The following EXTL3 variants were observed in gnomAD, a reference collection of about 807,000 sequenced individuals.
EXTL3 encodes exostosin-like 3.
A neutral mutation model predicts 69.3 loss-of-function variants in EXTL3; 27 were observed. The ratio of observed to expected loss-of-function variants is 0.39; its 90% CI spans 0.29 to 0.54. The LOEUF (loss-of-function observed/expected upper bound fraction) is 0.54. Among genes scored for constraint, EXTL3 ranks in the 20% least tolerant of loss-of-function variants. EXTL3 has a pLI of 0.69. For missense variants in EXTL3, 1,003 were observed against 1,231.8 expected (o/e 0.81, Z 2.78); for synonymous variants, 511 against 499.4 (o/e 1.02, Z -0.31).
intron 2 of EXTL3, among the ~76,000 whole-genome samples, chr8:28,616,603 G>C (rs1245830927): frequency 6.6e-6 from 1 of 151,818 alleles, no homozygotes; most frequent in African/African-American, 2.4e-5. Flanking sequence ...CTCCAGCCTG[G>C]GCGACAGAGC....
chr8:28,649,356 C>T (rs901510377), intron 1 of EXTL3, among the ~76,000 whole-genome samples: 4 of 152,192 alleles, frequency 2.6e-5, no homozygotes, highest in Non-Finnish European at 4.4e-5. Flanking sequence ...GTGTGTATGA[C>T]AGCTTTTGCT....
At chr8:28,642,088 G>C (rs1323323964) in intron 1 of EXTL3, among the ~76,000 whole-genome samples, 1 of 152,112 alleles carries the variant, frequency 6.6e-6, no homozygotes, top group Non-Finnish European at 1.5e-5. Context: ...GCCCGCCTCA[G>C]CCTCCCAAAG....
intron 2 of EXTL3, among the ~76,000 whole-genome samples, chr8:28,615,975 C>G (rs1440694117): frequency 6.6e-6 from 1 of 151,924 alleles, no homozygotes; most frequent in Admixed American, 6.6e-5. Flanking sequence ...TGGCTCACAC[C>G]TGTAATCTCG....
rs528519652 is a variant in EXTL3 at position 28,753,864 on chromosome 8, T to C, written c.*2998T>C. Reference sequence around the variant, plus strand: ...CCTGGTGTGGGCTGTGGACCAGAGATGGGTGAACAGACTCACACTCACATG... The same window carrying C: ...CCTGGTGTGGGCTGTGGACCAGAGACGGGTGAACAGACTCACACTCACATG... On this transcript the variant is annotated 3_prime_UTR_variant, in exon 7 of 7. Transcript: ENST00000220562. The C allele has an allele frequency of 2.0e-4, 30 of 152,114 alleles. No homozygotes were observed. Among genetic ancestry groups the C allele is most frequent in the African/African-American group, 6.5e-4 (27 of 41,458 alleles). The allele number at this position is 152,114 out of a possible 1,614,324, so 9.4% of individuals were successfully genotyped here.
intron 1 of EXTL3, among the ~76,000 whole-genome samples, chr8:28,709,503 G>T (rs1286156011): frequency 6.8e-6 from 1 of 147,358 alleles, no homozygotes; most frequent in African/African-American, 2.7e-5. Context: ...CGCGCCTCCT[G>T]TCTCTCCTGT....
upstream of EXTL3, among the ~76,000 whole-genome samples, chr8:28,622,269 T>G (rs779708414): frequency 1.1e-4 from 17 of 152,258 alleles, no homozygotes; most frequent in Non-Finnish European, 1.9e-4. Flanking sequence ...ACTCTAAGCA[T>G]CCGGCTCATT....
chr8:28,625,581 A>T lies in EXTL3; in HGVS notation c.-53+2771A>T, dbSNP rs143817843. On this transcript the variant is annotated intron_variant, in intron 1 of 6. Coordinates refer to the EXTL3 transcript ENST00000523149. Reference sequence around the variant, plus strand: ...TGTCCAGGTTTCCAATAATAAAAACATCACTCTATTCCTATTCATGTATTT... The same window carrying T: ...TGTCCAGGTTTCCAATAATAAAAACTTCACTCTATTCCTATTCATGTATTT... Among the ~76,000 whole-genome samples the T allele has an allele frequency of 5.9e-5, 9 of 152,364 alleles. No individual in the cohort carries two copies. In the East Asian group the frequency reaches 1.7e-3, roughly 29 times the overall value.
chr8:28,749,622 A>ATTTC (rs1435107345), intron 6 of EXTL3, among the ~76,000 whole-genome samples: 2 of 121,054 alleles, frequency 1.7e-5, no homozygotes, highest in Admixed American at 8.5e-5. Flanking sequence ...GCCTCTGAGG[A>ATTTC]TTTCATTCAT....
intron 1 of EXTL3, among the ~76,000 whole-genome samples, chr8:28,647,860 T>C (rs1806858589): frequency 6.6e-6 from 1 of 150,476 alleles, no homozygotes; most frequent in Admixed American, 6.7e-5. Flanking sequence ...GTGACTCTCC[T>C]CAGTGTGTGG....
intron 1 of EXTL3, among the ~76,000 whole-genome samples, chr8:28,673,483 G>A (rs902242750): frequency 2.0e-5 from 3 of 152,124 alleles, no homozygotes; most frequent in Non-Finnish European, 4.4e-5. Flanking sequence ...GCTTGAGCTG[G>A]AACATCTCCA....
intron 1 of EXTL3, among the ~76,000 whole-genome samples, chr8:28,690,964 A>G (rs1032870882): frequency 5.3e-5 from 8 of 152,170 alleles, no homozygotes; most frequent in Non-Finnish European, 1.0e-4. Context: ...GGAGTCTCCA[A>G]AAACATTCTG....
At chr8:28,635,435 C>G (rs1806637767) in intron 1 of EXTL3, among the ~76,000 whole-genome samples, 1 of 149,536 alleles carries the variant, frequency 6.7e-6, no homozygotes, top group Admixed American at 6.7e-5. Context: ...AGCGCAGTGG[C>G]TCACACCTGT....
intron 6 of EXTL3, among the ~76,000 whole-genome samples, chr8:28,747,642 C>T (rs1801915035): frequency 6.6e-6 from 1 of 151,536 alleles, no homozygotes; most frequent in Non-Finnish European, 1.5e-5. Context: ...GGTATCCTGT[C>T]TATCGTGGTG....
At chr8:28,658,790 A>G (rs1807056089) in intron 1 of EXTL3, among the ~76,000 whole-genome samples, 1 of 152,088 alleles carries the variant, frequency 6.6e-6, no homozygotes, top group Non-Finnish European at 1.5e-5. Flanking sequence ...TGTGTTTTTC[A>G]GGCTTGTCTT....
In EXTL3 at chr8:28,743,206, C is replaced by G; in HGVS notation, c.2542C>G (p.Pro848Ala). ...FLVSHITRKPPIKVTSRWTFR... is the reference protein window; with the variant it reads ...FLVSHITRKPAIKVTSRWTFR... The stretch of plus-strand genomic sequence containing the variant: ...TGTCTCCCACATCACTCGGAAGCCC[C>G]CCATCAAGGTGAGGTCCCACCACTG... The change falls in exon 6 of 7, where the codon CCC becomes GCC. Residue 848 changes from proline (P) to alanine (A), a missense_variant. By Grantham distance (27) the Pro-to-Ala change is conservative. Transcript: ENST00000220562. 1 of 1,614,174 alleles carries G rather than the reference C, an allele frequency of 6.2e-7. No homozygotes were observed. The highest frequency in any genetic ancestry group is 8.5e-7 in the Non-Finnish European group (1 of 1,180,018).
At chr8:28,702,004 G>T (rs574921951) in intron 1 of EXTL3, among the ~76,000 whole-genome samples, 5 of 151,570 alleles carry the variant, frequency 3.3e-5, no homozygotes, top group Middle Eastern at 3.4e-3. Context: ...TTTTTTGGAC[G>T]CTCGGCTGCA....
At chr8:28,701,730 G>A (rs1010713967) in intron 1 of EXTL3, 71 bp downstream of exon 1, 4 of 153,248 alleles carry the variant, frequency 2.6e-5, no homozygotes, top group Non-Finnish European at 5.9e-5. Flanking sequence ...GGAGGGTGCC[G>A]GGGCTGGCCC....
upstream of EXTL3, among the ~76,000 whole-genome samples, chr8:28,622,329 C>G (rs1585217803): frequency 6.6e-6 from 1 of 152,230 alleles, no homozygotes; most frequent in Admixed American, 6.5e-5. Context: ...GCTAGGCGCC[C>G]GGTGCCGTAT....
intron 1 of EXTL3, among the ~76,000 whole-genome samples, chr8:28,636,344 A>AC (rs2130573441): frequency 6.6e-6 from 1 of 151,818 alleles, no homozygotes; most frequent in South Asian, 2.1e-4. Flanking sequence ...AAAAAAAAAA[A>AC]AACAAATGTC....
Sources: gnomAD v4.1 joint callset for allele counts (sites outside exome capture counted in the v4.1 genomes callset) on GRCh38, gnomAD v4.1.1 for gene constraint, MANE v1.5 for transcripts, NCBI Gene and HGNC (gene_info 2026-07-23, HGNC 2026-07-21) for gene names.